BLOC1S3: variants seen among roughly 807,000 people sequenced by gnomAD.
BLOC1S3 encodes biogenesis of lysosome-related organelles complex 1 subunit 3.
In BLOC1S3, 7 loss-of-function variants were observed where a neutral mutation model predicts 9.1. The observed-to-expected ratio is 0.77, with a 90% confidence interval of 0.44 to 1.45. The LOEUF (loss-of-function observed/expected upper bound fraction) is 1.45, where lower values mean the gene tolerates loss of function less well. BLOC1S3 is among the 40% of genes most tolerant of loss of function. The probability of loss-of-function intolerance (pLI) is 0.01; values close to 1 mark genes in which losing one functional copy is unlikely to be tolerated. For missense variants in BLOC1S3, 307 were observed against 315.2 expected (o/e 0.97, Z 0.20); for synonymous variants, 145 against 158.4 (o/e 0.92, Z 0.64).
intron 3 of BLOC1S3, among the ~76,000 whole-genome samples, chr19:45,205,178 G>A (rs925487029): frequency 6.6e-6 from 1 of 152,012 alleles, no homozygotes; most frequent in African/African-American, 2.4e-5. Context: ...GTGTGTGTGT[G>A]TGTGTGAGAC....
rs537364320 is a variant in BLOC1S3, at chr19:45,192,990, G to A, written n.180+5250G>A. Among the ~76,000 whole-genome samples, 18 of 151,062 alleles carry A rather than the reference G, an allele frequency of 1.2e-4. No homozygotes were observed. In the East Asian group the frequency reaches 1.6e-3, roughly 13 times the overall value. ...GTCTACTAAACATACAAAATTAGCC[G>A]GGTGTTGTGGCACACGCGTGTAATC... On this transcript the variant is annotated intron_variant and non_coding_transcript_variant, in intron 2 of 3. Coordinates refer to the BLOC1S3 transcript ENST00000591569.
chr19:45,209,241 G>C (rs1361150665), intron 3 of BLOC1S3, among the ~76,000 whole-genome samples: 5 of 151,672 alleles, frequency 3.3e-5, no homozygotes, highest in Non-Finnish European at 7.4e-5. Flanking sequence ...TAGAGATGGG[G>C]TTTCACCATG....
At chr19:45,188,472 C>CCTTTTTTTTTTTTTTT (rs1568472450) in intron 2 of BLOC1S3, among the ~76,000 whole-genome samples, 3 of 151,848 alleles carry the variant, frequency 2.0e-5, no homozygotes, top group African/African-American at 7.3e-5. Context: ...CAGCGCCCGG[C>CCTTTTTTTTTTTTTTT]TTCTTTTAGT....
At chr19:45,198,230 A>G (rs939260681) in intron 2 of BLOC1S3, among the ~76,000 whole-genome samples, 6 of 152,170 alleles carry the variant, frequency 3.9e-5, no homozygotes, top group Non-Finnish European at 5.9e-5. Context: ...TCCAGTTTTC[A>G]TGCAATTTTC....
intron 3 of BLOC1S3, among the ~76,000 whole-genome samples, chr19:45,211,582 G>C (rs1377865473): frequency 6.6e-6 from 1 of 151,492 alleles, no homozygotes; most frequent in East Asian, 1.9e-4. Context: ...GGACATTCTT[G>C]CCTCAGCCTG....
chr19:45,207,225 C>T (rs1027532984), intron 3 of BLOC1S3, among the ~76,000 whole-genome samples: 11 of 151,710 alleles, frequency 7.3e-5, no homozygotes, highest in African/African-American at 2.2e-4. Context: ...CTCTGCCTCC[C>T]GGGTTCAAGT....
chr19:45,196,199 T>A (rs965240382), intron 2 of BLOC1S3, among the ~76,000 whole-genome samples: 4 of 149,368 alleles, frequency 2.7e-5, no homozygotes, highest in Admixed American at 1.4e-4. Flanking sequence ...TTTAATTTTT[T>A]ATTTTTTTTT....
At chr19:45,213,079 G>T in intron 3 of BLOC1S3, 1 of 1,501,290 alleles carries the variant, frequency 6.7e-7, no homozygotes, top group Non-Finnish European at 8.8e-7. Context: ...TCAGCGCTGG[G>T]CCCGAGGTCG....
At chr19:45,209,525 C>T (rs1405870758) in intron 3 of BLOC1S3, among the ~76,000 whole-genome samples, 1 of 152,108 alleles carries the variant, frequency 6.6e-6, no homozygotes, top group Non-Finnish European at 1.5e-5. Flanking sequence ...GGTTTCACTC[C>T]ATTCTCCTGC....
chr19:45,207,082 C>T (rs369685521), intron 3 of BLOC1S3, among the ~76,000 whole-genome samples: 6 of 151,926 alleles, frequency 3.9e-5, no homozygotes, highest in African/African-American at 1.4e-4. Flanking sequence ...AGTGATCCAC[C>T]CTCCTCAGCC....
intron 2 of BLOC1S3, among the ~76,000 whole-genome samples, chr19:45,197,919 G>A (rs1003507812): frequency 6.6e-6 from 1 of 151,520 alleles, no homozygotes; most frequent in African/African-American, 2.4e-5. Context: ...CTAGACAGGG[G>A]AACAAGTCAG....
intron 3 of BLOC1S3, chr19:45,212,970 G>C: frequency 7.7e-7 from 1 of 1,293,404 alleles, no homozygotes. Flanking sequence ...TATCCCAGGG[G>C]TGTGTGGTCC....
chr19:45,200,508 T>C (rs1969683511), intron 2 of BLOC1S3, among the ~76,000 whole-genome samples: 1 of 152,188 alleles, frequency 6.6e-6, no homozygotes, highest in African/African-American at 2.4e-5. Context: ...TTAAAAATTA[T>C]TTCAATCTGT....
At chr19:45,189,427 C>CTT (rs35692205) in intron 2 of BLOC1S3, among the ~76,000 whole-genome samples, 5 of 138,702 alleles carry the variant, frequency 3.6e-5, no homozygotes, top group South Asian at 2.2e-4. Flanking sequence ...AGGTAGTCTT[C>CTT]TTTTTTTTTT....
Position 45,216,345 on chromosome 19 carries a change from G to A in BLOC1S3, n.283-331G>A, listed in dbSNP as rs574671442. 24 of 1,084,278 alleles carry A rather than the reference G, an allele frequency of 2.2e-5. No homozygotes were observed. The East Asian group carries it at 3.6e-4, about 16-fold the overall frequency. 67.2% of individuals were successfully genotyped at this position (1,084,278 alleles called of 1,614,324 possible). Reference sequence around the variant, plus strand: ...AATCCCAGCACTTTGGGAGGAGGCCGAGGCGGGTGGATCACTAGAGGTCAG... The same window carrying A: ...AATCCCAGCACTTTGGGAGGAGGCCAAGGCGGGTGGATCACTAGAGGTCAG... On this transcript the variant is annotated intron_variant and non_coding_transcript_variant, in intron 3 of 3. Coordinates refer to the BLOC1S3 transcript ENST00000591569.
At chr19:45,197,918 G>C (rs1969661635) in intron 2 of BLOC1S3, among the ~76,000 whole-genome samples, 1 of 151,970 alleles carries the variant, frequency 6.6e-6, no homozygotes. Flanking sequence ...ACTAGACAGG[G>C]GAACAAGTCA....
intron 2 of BLOC1S3, among the ~76,000 whole-genome samples, chr19:45,190,725 G>A (rs1186310709): frequency 6.6e-6 from 1 of 150,632 alleles, no homozygotes; most frequent in African/African-American, 2.4e-5. Flanking sequence ...TCAATTATCT[G>A]TCTGAAAGGT....
At chr19:45,204,730 C>G (rs1232285556) in intron 3 of BLOC1S3, among the ~76,000 whole-genome samples, 1 of 150,856 alleles carries the variant, frequency 6.6e-6, no homozygotes, top group Non-Finnish European at 1.5e-5. Flanking sequence ...TCAGGATATT[C>G]AGAATTTTTT....
In BLOC1S3 at chr19:45,179,999, C is replaced by A. The variant is rs928621630; in HGVS notation, c.*94C>A. The A allele has an allele frequency of 1.5e-5, 21 of 1,427,058 alleles. No individual in the cohort carries two copies. The Middle Eastern group carries it at 5.5e-4, about 37-fold the overall frequency. The allele number at this position is 1,427,058 out of a possible 1,614,324, so 88.4% of individuals were successfully genotyped here. A position where few individuals can be genotyped will look rare whatever the true frequency, so the allele number is the denominator to read the frequency against. On this transcript the variant is annotated 3_prime_UTR_variant, in exon 2 of 2. Transcript: ENST00000433642. The surrounding 1 kb of genome is among the most constrained non-coding windows in gnomAD (Gnocchi z 4.6). ...GTCTCCTGTGTCTCTTATCACCCCC[C>A]ACCCCCGCTCCCATCTTGGTGTCAC...
Sources: gnomAD v4.1 joint callset for allele counts (sites outside exome capture counted in the v4.1 genomes callset) on GRCh38, gnomAD v4.1.1 for gene constraint, Gnocchi (gnomAD v3.1) non-coding constraint, MANE v1.5 for transcripts, NCBI Gene and HGNC (gene_info 2026-07-23, HGNC 2026-07-21) for gene names.